The following ZNF559 variants were observed in gnomAD, a reference collection of about 807,000 sequenced individuals.
ZNF559 encodes the protein zinc finger protein 559, also known as putative protein product of Nbla00121.
In ZNF559, 17 loss-of-function variants were observed where a neutral mutation model predicts 14.2. The observed-to-expected ratio is 1.20, with a 90% CI of 0.82 to 1.80. The LOEUF (loss-of-function observed/expected upper bound fraction) is 1.80. Among genes scored for constraint, ZNF559 ranks in the 40% most tolerant of loss-of-function variants. The probability of loss-of-function intolerance (pLI) is 0.00; values close to 1 mark genes in which losing one functional copy is unlikely to be tolerated. For missense variants in ZNF559, 740 were observed against 629.7 expected, an observed-to-expected ratio of 1.18 and a Z score of -1.88; for synonymous variants, 244 against 212.4, an observed-to-expected ratio of 1.15 and a Z score of -1.29.
At chr19:9,337,591 A>G (rs571230885) in intron 2 of ZNF559, 1 of 236,426 alleles carries the variant, frequency 4.2e-6, no homozygotes, top group African/African-American at 2.2e-5. Context: ...ACACTTTCTA[A>G]TTGGTGATGT....
At chr19:9,327,538 C>T (rs952994154) in intron 2 of ZNF559, among the ~76,000 whole-genome samples, 6 of 152,160 alleles carry the variant, frequency 3.9e-5, no homozygotes, top group African/African-American at 4.8e-5. Context: ...CATGAGCTAC[C>T]GCGCCTGGCC....
chr19:9,324,330 C>G, intron 1 of ZNF559, 102 bp downstream of exon 1: 1 of 1,526,620 alleles, frequency 6.6e-7, no homozygotes, highest in African/African-American at 1.4e-5. Flanking sequence ...GAGCCTGTCC[C>G]GTGCACTTTC....
In ZNF559 at chr19:9,342,855, A is replaced by G. The variant is rs1391713495; in HGVS notation, c.1404A>G (p.Gln468=). ...CAGGGGAGAGGCCATATAAATGTCA[A>G]AAGTGTGGGCAAGCCTTCAGTATCT... ...IHTGERPYKC[Q]KCGQAFSISS... The change falls in exon 7 of 7, where the codon CAA becomes CAG. Residue 468 remains glutamine (Q), a synonymous_variant. Coordinates refer to ENST00000603380, the MANE Select transcript of ZNF559 (RefSeq NM_032497.3). 4 of 1,613,932 alleles carry G rather than the reference A, an allele frequency of 2.5e-6. No individual in the cohort carries two copies. Among genetic ancestry groups the G allele is most frequent in the South Asian group, 1.1e-5 (1 of 91,062 alleles).
intron 2 of ZNF559, 51 bp downstream of exon 2, chr19:9,324,831 T>C: frequency 2.0e-6 from 3 of 1,475,426 alleles, no homozygotes; most frequent in Non-Finnish European, 2.7e-6. Context: ...TCTTGAAGTT[T>C]AAGTTGTGTC....
rs755837090 is a variant in ZNF559 at position 9,338,553 on chromosome 19, G to C, written c.4G>C (p.Val2Leu). MVAGWLTNYSQD... is the reference protein window; with the variant it reads MLAGWLTNYSQD... ...GTCAAAATTTGAAGAGGAAAGGATG[G>C]TGGCTGGGTGGTTGACAAATTACTC... The change falls in exon 4 of 7, where the codon GTG (valine) becomes CTG (leucine). Residue 2 changes from valine (V) to leucine (L), a missense_variant. Physicochemically the swap from Val to Leu is conservative, Grantham distance 32. Transcript: ENST00000603380. 10 of 1,614,010 alleles carry C rather than the reference G, an allele frequency of 6.2e-6. No homozygotes were observed. The highest frequency in any genetic ancestry group is 8.5e-6 in the Non-Finnish European group (10 of 1,179,922).
At chr19:9,338,613 C>A in intron 4 of ZNF559, 31 bp downstream of exon 4, 1 of 1,505,466 alleles carries the variant, frequency 6.6e-7, no homozygotes, top group South Asian at 1.1e-5. Flanking sequence ...TCTGTAGAAG[C>A]ATATGCTTCT....
In ZNF559 at chr19:9,342,344, T is replaced by C. The variant is rs151115651; in HGVS notation, c.893T>C (p.Val298Ala). ...CTTAGAACTAGAGGAAAACACTATG[T>C]TTGTAATGAATGTGGCAAAGAATTT... is the stretch of plus-strand genomic sequence containing the variant. ...IRLRTRGKHYVCNECGKEFTC... is the reference protein window; with the variant it reads ...IRLRTRGKHYACNECGKEFTC... Residue 298 changes from valine to alanine, a missense_variant, in exon 7 of 7, where the codon GTT (valine) becomes GCT (alanine). Physicochemically the swap from Val to Ala is moderately conservative, Grantham distance 64. Transcript: ENST00000603380. 3.4e-4 allele frequency: 549 copies of C among 1,606,794 alleles called. No homozygotes were observed. Among genetic ancestry groups the C allele is most frequent in the Non-Finnish European group, 4.1e-4 (488 of 1,176,820 alleles).
intron 2 of ZNF559, among the ~76,000 whole-genome samples, chr19:9,326,019 G>C (rs986404032): frequency 6.6e-6 from 1 of 150,508 alleles, no homozygotes; most frequent in African/African-American, 2.4e-5. Flanking sequence ...CTGTCCAAAA[G>C]TCACCATAGT....
chr19:9,326,584 C>T (rs917759379), intron 2 of ZNF559, among the ~76,000 whole-genome samples: 2 of 152,068 alleles, frequency 1.3e-5, no homozygotes, highest in African/African-American at 2.4e-5. Flanking sequence ...TAATGCAAGG[C>T]ACAGATGTAA....
In ZNF559 at chr19:9,342,910, CA is replaced by C. The variant is rs1568369943; in HGVS notation, c.1460del (p.His487ProfsTer26). 7.4e-6 allele frequency: 12 copies of C among 1,614,192 alleles called. No individual in the cohort carries two copies. The highest frequency in any genetic ancestry group is 1.0e-5 in the Non-Finnish European group (12 of 1,180,038). On this transcript the variant is annotated frameshift_variant, in exon 7 of 7. Coordinates refer to ENST00000603380, the MANE Select transcript of ZNF559 (RefSeq NM_032497.3). LOFTEE classifies it low-confidence loss of function (END_TRUNC). ...AGGCCTTACAGTACACATGAGAACT[CA>C]CACTGGTGAACGGCCCTTTGAATGT... ...SSGLTVHMRT[H>X]TGERPFECQE...
intron 1 of ZNF559, 147 bp downstream of exon 1, chr19:9,324,375 C>A (rs1043729613): frequency 1.1e-5 from 16 of 1,491,996 alleles, no homozygotes; most frequent in East Asian, 4.9e-5. Flanking sequence ...TCTCCCAAGT[C>A]GCGGCCCCTC....
chr19:9,341,754 T>TGAAC lies in ZNF559; in HGVS notation c.304_307dup (p.His103ArgfsTer6), dbSNP rs772548453. The TGAAC allele has an allele frequency of 6.3e-7, 1 of 1,599,732 alleles. No homozygotes were observed. Among genetic ancestry groups the TGAAC allele is most frequent in the South Asian group, 1.1e-5 (1 of 88,842 alleles). On this transcript the variant is annotated frameshift_variant, in exon 7 of 7. Coordinates refer to ENST00000603380, the MANE Select transcript of ZNF559 (RefSeq NM_032497.3). LOFTEE classifies it low-confidence loss of function (END_TRUNC). ...TTAACCAATGTGAAAAAGCCTTGAG[T>TGAAC]GAACACTCATGCCTTAAGACTCACA...
chr19:9,343,752 A>C lies in ZNF559; in HGVS notation c.*684A>C. ...TGTATTAATTTACATGCAAAAAGTC[A>C]CACTAGAGGAATGCCATATCAGAAT... On this transcript the variant is annotated 3_prime_UTR_variant, in exon 7 of 7. Transcript: ENST00000603380. The C allele has an allele frequency of 1.0e-6, 1 of 985,944 alleles. No homozygotes were observed. The highest frequency in any genetic ancestry group is 4.7e-5 in the South Asian group (1 of 21,310). The allele number at this position is 985,944 out of a possible 1,614,324, so 61.1% of individuals were successfully genotyped here. A position where few individuals can be genotyped will look rare whatever the true frequency, so the allele number is the denominator to read the frequency against.
chr19:9,339,408 G>A (rs1029788647), intron 5 of ZNF559, 89 bp downstream of exon 5: 26 of 1,428,780 alleles, frequency 1.8e-5, no homozygotes, highest in Non-Finnish European at 2.3e-5. Context: ...TTGTTAATGG[G>A]CTGCATTGGT....
chr19:9,327,643 T>C (rs1005287759), intron 2 of ZNF559, among the ~76,000 whole-genome samples: 1 of 152,234 alleles, frequency 6.6e-6, no homozygotes, highest in African/African-American at 2.4e-5. Flanking sequence ...TCTGTTGTTC[T>C]TTCTCCATTC....
chr19:9,333,643 T>A (rs2067060564), intron 2 of ZNF559, among the ~76,000 whole-genome samples: 1 of 152,092 alleles, frequency 6.6e-6, no homozygotes, highest in Non-Finnish European at 1.5e-5. Context: ...GAGCCAAGAT[T>A]GTGCCTACTG....
At position 9,342,647 on chromosome 19, in the gene ZNF559, A is replaced by G; in HGVS notation, c.1196A>G (p.His399Arg). The change falls in exon 7 of 7, where the codon CAC becomes CGC. Residue 399 changes from histidine to arginine, a missense_variant. Coordinates refer to ENST00000603380, the MANE Select transcript of ZNF559 (RefSeq NM_032497.3). ...ATTAATTCCTCTTCCTTTAAAAGTC[A>G]CATGCAGACTCATCCTGGTGTAAAA... ...AFINSSSFKS[H>R]MQTHPGVKPY... 6.2e-7 allele frequency: 1 copy of G among 1,614,192 alleles called. No individual in the cohort carries two copies. Among genetic ancestry groups the G allele is most frequent in the Non-Finnish European group, 8.5e-7 (1 of 1,180,030 alleles).
chr19:9,340,541 AT>A (rs750669246), intron 5 of ZNF559, among the ~76,000 whole-genome samples: 1 of 136,792 alleles, frequency 7.3e-6, no homozygotes, highest in Non-Finnish European at 1.5e-5. Flanking sequence ...TTAGAGAACC[AT>A]TTCTTTTTTT....
upstream of ZNF559, chr19:9,324,122 C>G (rs2066429170): frequency 1.3e-6 from 2 of 1,526,688 alleles, no homozygotes; most frequent in Admixed American, 3.9e-5. Context: ...GAACCCGAGG[C>G]CCCGCCCCCT....
Sources: allele counts gnomAD v4.1 joint callset (sites outside exome capture counted in the v4.1 genomes callset), GRCh38; gene constraint gnomAD v4.1.1; transcripts MANE v1.5; gene names NCBI Gene and HGNC (gene_info 2026-07-23, HGNC 2026-07-21).